Variants in NRG1 observed in about 807,000 individuals in gnomAD.
The protein encoded by NRG1 is pro-neuregulin-1, membrane-bound isoform.
A neutral mutation model predicts 63.8 loss-of-function variants in NRG1; 18 were observed. The ratio of observed to expected loss-of-function variants is 0.28; its 90% CI spans 0.19 to 0.42. The LOEUF is 0.42. Among genes scored for constraint, NRG1 ranks in the 10% least tolerant of loss-of-function variants. NRG1 has a pLI of 1.00. For missense variants in NRG1, 762 were observed against 814.7 expected (o/e 0.94, Z 0.79); for synonymous variants, 302 against 301.3 (o/e 1.00, Z -0.02).
chr8:32,052,360 C>G (rs1331819111), intron 1 of NRG1, among the ~76,000 whole-genome samples: 1 of 143,970 alleles, frequency 6.9e-6, no homozygotes, highest in African/African-American at 2.6e-5. Context: ...ACTGCAGCCT[C>G]AAACTCCTAG....
intron 1 of NRG1, among the ~76,000 whole-genome samples, chr8:32,056,257 A>G (rs1280407228): frequency 6.6e-6 from 1 of 152,156 alleles, no homozygotes; most frequent in Non-Finnish European, 1.5e-5. Flanking sequence ...GAAGGAGTTG[A>G]TCTTAATTTC....
At chr8:32,422,232 A>G (rs1816781474) in intron 1 of NRG1, among the ~76,000 whole-genome samples, 1 of 152,166 alleles carries the variant, frequency 6.6e-6, no homozygotes, top group Non-Finnish European at 1.5e-5. Context: ...TGAAGCAGCT[A>G]GTTTTGCTAA....
chr8:31,908,807 CAG>C (rs1832721020), intron 1 of NRG1, among the ~76,000 whole-genome samples: 3 of 151,616 alleles, frequency 2.0e-5, no homozygotes, highest in Admixed American at 6.6e-5. Context: ...ATAAACATAA[CAG>C]AAATATAAGG....
intron 1 of NRG1, among the ~76,000 whole-genome samples, chr8:32,502,527 TTC>T (rs1384915839): frequency 7.5e-6 from 1 of 132,898 alleles, no homozygotes; most frequent in Non-Finnish European, 1.6e-5. Context: ...CAATGTAAGA[TTC>T]TCTCTCTCTT....
At chr8:32,001,092 A>C (rs546020130) in intron 1 of NRG1, among the ~76,000 whole-genome samples, 1 of 152,082 alleles carries the variant, frequency 6.6e-6, no homozygotes, top group Non-Finnish European at 1.5e-5. Flanking sequence ...TATTATGAAC[A>C]TCTTATATTA....
intron 5 of NRG1, among the ~76,000 whole-genome samples, chr8:32,667,273 G>A (rs994622482): frequency 3.9e-5 from 6 of 152,146 alleles, no homozygotes; most frequent in Non-Finnish European, 5.9e-5. Flanking sequence ...AATCTTATGG[G>A]ACCACTGTCG....
intron 1 of NRG1, among the ~76,000 whole-genome samples, chr8:32,072,607 A>G (rs899815871): frequency 6.6e-6 from 1 of 152,188 alleles, no homozygotes; most frequent in African/African-American, 2.4e-5. Flanking sequence ...TAAATTAGTA[A>G]TAGTGATCAA....
At chr8:32,694,772 G>A (rs1196518573) in intron 5 of NRG1, among the ~76,000 whole-genome samples, 3 of 152,174 alleles carry the variant, frequency 2.0e-5, no homozygotes, top group African/African-American at 7.2e-5. Flanking sequence ...CAGTGACTTT[G>A]TAGTAAAATC....
chr8:31,971,557 T>G (rs571585359), intron 1 of NRG1, among the ~76,000 whole-genome samples: 132 of 152,314 alleles, frequency 8.7e-4, no homozygotes, highest in Non-Finnish European at 1.5e-3. Flanking sequence ...TGCCTACATT[T>G]GAAACCATTC....
intron 5 of NRG1, among the ~76,000 whole-genome samples, chr8:32,659,305 G>A (rs941857679): frequency 2.0e-5 from 3 of 151,934 alleles, no homozygotes; most frequent in African/African-American, 4.8e-5. Context: ...ATCATGCCTG[G>A]CTAAGTTTTT....
intron 1 of NRG1, among the ~76,000 whole-genome samples, chr8:32,349,765 C>G (rs1043687524): frequency 2.6e-5 from 4 of 152,194 alleles, no homozygotes; most frequent in Non-Finnish European, 5.9e-5. Flanking sequence ...GATTCCCTAA[C>G]TGACTCTATG....
chr8:31,943,426 G>T (rs897829007), intron 1 of NRG1, among the ~76,000 whole-genome samples: 1 of 151,968 alleles, frequency 6.6e-6, no homozygotes, highest in East Asian at 1.9e-4. Context: ...TATTCACTGG[G>T]TACAGTGTAC....
chr8:32,373,095 G>C (rs1182044018), intron 1 of NRG1, among the ~76,000 whole-genome samples: 1 of 152,138 alleles, frequency 6.6e-6, no homozygotes, highest in Non-Finnish European at 1.5e-5. Context: ...ACAGATGTTA[G>C]TGTGAGAACT....
At chr8:31,674,355 A>T (rs574153963) in intron 1 of NRG1, among the ~76,000 whole-genome samples, 1 of 152,270 alleles carries the variant, frequency 6.6e-6, no homozygotes, top group East Asian at 1.9e-4. Context: ...TCTACCCGCA[A>T]CGTATAAGGG....
intron 1 of NRG1, among the ~76,000 whole-genome samples, chr8:31,691,594 CAAAAAA>C (rs71208138): frequency 2.9e-4 from 10 of 34,986 alleles, no homozygotes; most frequent in African/African-American, 1.2e-3. Context: ...GACTCTGTCT[CAAAAAA>C]AAAAAAAAAA....
chr8:32,391,803 T>C (rs1811804172), intron 1 of NRG1, among the ~76,000 whole-genome samples: 1 of 152,168 alleles, frequency 6.6e-6, no homozygotes, highest in Non-Finnish European at 1.5e-5. Context: ...ATTTTTTAAT[T>C]GACAAAAATA....
chr8:32,193,709 C>A (rs942396351), intron 1 of NRG1, among the ~76,000 whole-genome samples: 1 of 151,914 alleles, frequency 6.6e-6, no homozygotes, highest in Non-Finnish European at 1.5e-5. Context: ...CAGAATAGAA[C>A]CTTATTTGGA....
chr8:32,204,357 A>G (rs1268749639), intron 1 of NRG1, among the ~76,000 whole-genome samples: 2 of 152,210 alleles, frequency 1.3e-5, no homozygotes, highest in South Asian at 2.1e-4. Context: ...ATGGTTTTAC[A>G]TGAACCTATC....
chr8:32,053,906 C>T (rs1054944262), intron 1 of NRG1, among the ~76,000 whole-genome samples: 5 of 152,166 alleles, frequency 3.3e-5, no homozygotes, highest in African/African-American at 1.2e-4. Context: ...AGTTCTTTCT[C>T]ATTAACTTCC....
Sources: gnomAD v4.1 joint callset for allele counts (sites outside exome capture counted in the v4.1 genomes callset) on GRCh38, gnomAD v4.1.1 for gene constraint, MANE v1.5 for transcripts, NCBI Gene and HGNC (gene_info 2026-07-23, HGNC 2026-07-21) for gene names.